The following DNAJC6 variants were observed in gnomAD, a reference collection of about 807,000 sequenced individuals.
DNAJC6 encodes the protein auxilin.
A neutral mutation model predicts 110.0 loss-of-function variants in DNAJC6; 34 were observed. The observed-to-expected ratio is 0.31, with a 90% confidence interval of 0.24 to 0.41. The LOEUF is 0.41. DNAJC6 is among the 10% of genes least tolerant of loss of function. The pLI is 1.00. For synonymous variants in DNAJC6, 406 were observed against 437.2 expected, an observed-to-expected ratio of 0.93 and a Z score of 0.89; for missense variants, 1,031 against 1,207.8, an observed-to-expected ratio of 0.85 and a Z score of 2.17.
At chr1:65,389,658 G>T in intron 11 of DNAJC6, 31 bp downstream of exon 11, 3 of 1,605,000 alleles carry the variant, frequency 1.9e-6, no homozygotes, top group Non-Finnish European at 2.6e-6. Context: ...AAGTCACATG[G>T]TTTGATGATT....
At chr1:65,315,719 G>A (rs894981503) in intron 1 of DNAJC6, among the ~76,000 whole-genome samples, 2 of 152,208 alleles carry the variant, frequency 1.3e-5, no homozygotes, top group East Asian at 1.9e-4. Flanking sequence ...TGATAGTAAC[G>A]GTCATCTTAT....
chr1:65,402,846 TCTC>T (rs1646042698), intron 15 of DNAJC6, among the ~76,000 whole-genome samples: 1 of 152,216 alleles, frequency 6.6e-6, no homozygotes. Flanking sequence ...GTCATTTTCT[TCTC>T]CACCTTTCTT....
At chr1:65,378,683 T>A (rs1645790060) in intron 4 of DNAJC6, among the ~76,000 whole-genome samples, 1 of 152,218 alleles carries the variant, frequency 6.6e-6, no homozygotes, top group South Asian at 2.1e-4. Context: ...GTAACATGAT[T>A]TATATTCAGA....
At chr1:65,302,280 A>T (rs1348531424) in intron 1 of DNAJC6, among the ~76,000 whole-genome samples, 4 of 20,018 alleles carry the variant, frequency 2.0e-4, no homozygotes, top group Non-Finnish European at 3.4e-4. Context: ...ATATTATATA[A>T]TATAATATAT....
At position 65,386,848 on chromosome 1, in the gene DNAJC6, C is replaced by G. The variant is rs764637105; in HGVS notation, c.1032C>G (p.Pro344=). ...YRVQDGKIFI[P]LNITVQGDVV... Reference sequence around the variant, plus strand: ...TCCAAGATGGAAAAATCTTCATTCCCTTGAACATCACTGTGCAAGGAGACG... The same window carrying G: ...TCCAAGATGGAAAAATCTTCATTCCGTTGAACATCACTGTGCAAGGAGACG... Residue 344 remains proline, a synonymous_variant, in exon 8 of 19, where the codon CCC becomes CCG. Transcript: ENST00000371069. The G allele has an allele frequency of 6.2e-7, 1 of 1,614,164 alleles. No homozygotes were observed. The highest frequency in any genetic ancestry group is 8.5e-7 in the Non-Finnish European group (1 of 1,180,010).
chr1:65,413,041 A>G lies in DNAJC6; in HGVS notation c.*16A>G, dbSNP rs2101647757. The G allele has an allele frequency of 1.2e-6, 2 of 1,609,070 alleles. No homozygotes were observed. The highest frequency in any genetic ancestry group is 1.7e-4 in the Middle Eastern group (1 of 6,040). The stretch of plus-strand genomic sequence containing the variant: ...CTTATATTAATTTATGAGCTTTTCC[A>G]TCTCTGCTGCAGACCTGTGCTAATG... On this transcript the variant is annotated 3_prime_UTR_variant, in exon 19 of 19. Transcript: ENST00000371069.
chr1:65,302,290 T>G (rs1353117013), intron 1 of DNAJC6, among the ~76,000 whole-genome samples: 4 of 97,444 alleles, frequency 4.1e-5, no homozygotes, highest in Non-Finnish European at 8.1e-5. Flanking sequence ...ATATAATATA[T>G]AATATATATA....
chr1:65,320,237 T>C (rs1570273819), intron 1 of DNAJC6, among the ~76,000 whole-genome samples: 1 of 152,380 alleles, frequency 6.6e-6, no homozygotes, highest in Middle Eastern at 3.4e-3. Flanking sequence ...GAATGAATTT[T>C]ACTAATCCAC....
At chr1:65,328,137 A>G (rs554176789) in intron 1 of DNAJC6, among the ~76,000 whole-genome samples, 1 of 152,268 alleles carries the variant, frequency 6.6e-6, no homozygotes, top group Non-Finnish European at 1.5e-5. Context: ...TTGTATTTAC[A>G]TAGGAAAATT....
At chr1:65,365,003 A>G (rs1645632565) in intron 2 of DNAJC6, among the ~76,000 whole-genome samples, 1 of 152,188 alleles carries the variant, frequency 6.6e-6, no homozygotes, top group African/African-American at 2.4e-5. Flanking sequence ...ATTAGAGTAT[A>G]ATGGTTGCCC....
chr1:65,281,754 G>A (rs754457493), intron 1 of DNAJC6, among the ~76,000 whole-genome samples: 1 of 151,818 alleles, frequency 6.6e-6, no homozygotes, highest in African/African-American at 2.4e-5. Flanking sequence ...GACTACAGGC[G>A]CCAGCCACCA....
intron 1 of DNAJC6, among the ~76,000 whole-genome samples, chr1:65,298,582 G>C (rs1216784576): frequency 2.0e-5 from 3 of 150,908 alleles, no homozygotes; most frequent in Non-Finnish European, 4.4e-5. Flanking sequence ...TATGAAAAAA[G>C]ACTGACCATG....
At chr1:65,407,298 A>C (rs75449394) in intron 16 of DNAJC6, among the ~76,000 whole-genome samples, 2,440 of 152,248 alleles carry the variant, frequency 0.016, 22 homozygotes, top group Non-Finnish European at 0.025. Context: ...TACTATCTGC[A>C]GTTTTAGGTG....
At chr1:65,398,909 T>C (rs1646004947) in intron 14 of DNAJC6, 28 bp downstream of exon 14, 2 of 1,610,442 alleles carry the variant, frequency 1.2e-6, no homozygotes, top group African/African-American at 2.7e-5. Flanking sequence ...TCTGTACACA[T>C]TTATATAATT....
chr1:65,379,898 T>C (rs1474030844), intron 5 of DNAJC6: 1 of 155,098 alleles, frequency 6.4e-6, no homozygotes, highest in Non-Finnish European at 1.4e-5. Context: ...TGTGTTTGAA[T>C]AAAAATAAAA....
At chr1:65,266,859 G>C (rs1194266796) in intron 1 of DNAJC6, among the ~76,000 whole-genome samples, 1 of 151,830 alleles carries the variant, frequency 6.6e-6, no homozygotes, top group Non-Finnish European at 1.5e-5. Flanking sequence ...TTTAAGCTCA[G>C]ATCCCCAGCC....
intron 4 of DNAJC6, among the ~76,000 whole-genome samples, chr1:65,375,592 AT>A (rs952100847): frequency 1.3e-5 from 2 of 151,610 alleles, no homozygotes; most frequent in African/African-American, 4.8e-5. Flanking sequence ...CGCCCGGCTA[AT>A]TTTTTTGTAT....
At chr1:65,339,563 C>A (rs569368259) in intron 1 of DNAJC6, among the ~76,000 whole-genome samples, 2 of 152,212 alleles carry the variant, frequency 1.3e-5, no homozygotes, top group South Asian at 4.1e-4. Flanking sequence ...TTTTTAGTAG[C>A]GGAATATTAG....
chr1:65,370,730 A>T (rs956598680), intron 4 of DNAJC6, among the ~76,000 whole-genome samples: 3 of 152,234 alleles, frequency 2.0e-5, no homozygotes, highest in Non-Finnish European at 1.5e-5. Context: ...TTTCTAAATG[A>T]CATAATCTTC....
Sources: allele counts gnomAD v4.1 joint callset (sites outside exome capture counted in the v4.1 genomes callset), GRCh38; gene constraint gnomAD v4.1.1; transcripts MANE v1.5; gene names NCBI Gene and HGNC (gene_info 2026-07-23, HGNC 2026-07-21).